Variants in RGS20 observed in about 807,000 individuals in gnomAD.
RGS20 encodes regulator of G protein signaling 20.
RGS20 carries 30 observed loss-of-function variants against 33.6 expected under a neutral mutation model. The observed-to-expected ratio is 0.89, with a 90% CI of 0.67 to 1.21. The LOEUF (loss-of-function observed/expected upper bound fraction) is 1.21. RGS20 is among the 50% of genes most tolerant of loss of function. The pLI is 0.00. For missense variants in RGS20, 472 were observed against 502.4 expected (o/e 0.94, Z 0.58); for synonymous variants, 208 against 197.9 (o/e 1.05, Z -0.43).
At chr8:53,943,996 T>TAC (rs113461310) in intron 3 of RGS20, among the ~76,000 whole-genome samples, 4,636 of 146,276 alleles carry the variant, frequency 0.032, 163 homozygotes, top group African/African-American at 0.085. Flanking sequence ...AAAATAGAGC[T>TAC]ACACACACAC....
chr8:53,873,640 T>TA (rs1309308303), intron 1 of RGS20, among the ~76,000 whole-genome samples: 6 of 152,230 alleles, frequency 3.9e-5, no homozygotes, highest in Admixed American at 3.3e-4. Context: ...ATTAATTGAG[T>TA]AGTTTATCCA....
chr8:53,879,159 C>T, intron 1 of RGS20: 1 of 974,316 alleles, frequency 1.0e-6, no homozygotes, highest in Non-Finnish European at 1.6e-6. Context: ...CTTGCACCCC[C>T]AAAGTAACGC....
At chr8:53,931,867 G>A (rs920423661) in intron 2 of RGS20, among the ~76,000 whole-genome samples, 26 of 152,206 alleles carry the variant, frequency 1.7e-4, no homozygotes, top group Admixed American at 7.2e-4. Context: ...AGAGCACTCC[G>A]ACCCAGACAG....
chr8:53,876,010 G>C (rs189778752), intron 1 of RGS20: 2 of 152,198 alleles, frequency 1.3e-5, no homozygotes, highest in Non-Finnish European at 2.9e-5. Context: ...CTGTCAGCTA[G>C]ATTCTTCCAT....
chr8:53,910,147 T>G (rs1371033560), intron 2 of RGS20, among the ~76,000 whole-genome samples: 1 of 152,144 alleles, frequency 6.6e-6, no homozygotes, highest in East Asian at 1.9e-4. Context: ...CACCTTTACA[T>G]AAAACAGAAT....
chr8:53,924,759 C>A (rs1212474730), intron 2 of RGS20, among the ~76,000 whole-genome samples: 1 of 152,108 alleles, frequency 6.6e-6, no homozygotes, highest in African/African-American at 2.4e-5. Flanking sequence ...TACTAAGAGC[C>A]AGATGTTATG....
At chr8:53,918,673 C>T (rs1194523274) in intron 2 of RGS20, among the ~76,000 whole-genome samples, 1 of 152,182 alleles carries the variant, frequency 6.6e-6, no homozygotes, top group African/African-American at 2.4e-5. Flanking sequence ...CAGGCATGAG[C>T]CACCGTGCCC....
intron 1 of RGS20, among the ~76,000 whole-genome samples, chr8:53,868,579 C>A (rs1371754705): frequency 6.6e-6 from 1 of 151,810 alleles, no homozygotes; most frequent in Non-Finnish European, 1.5e-5. Context: ...AGTCAATATT[C>A]TTATAATAAA....
At chr8:53,860,597 T>G (rs1811788398) in intron 1 of RGS20, among the ~76,000 whole-genome samples, 1 of 152,156 alleles carries the variant, frequency 6.6e-6, no homozygotes, top group Non-Finnish European at 1.5e-5. Flanking sequence ...CTCTAATAGC[T>G]GTGGCTCCAT....
At chr8:53,855,607 G>T (rs1239529383) in intron 1 of RGS20, among the ~76,000 whole-genome samples, 1 of 152,216 alleles carries the variant, frequency 6.6e-6, no homozygotes, top group African/African-American at 2.4e-5. Context: ...GAACTCTGAA[G>T]AAGCTCTGTG....
chr8:53,896,288 AAAG>A (rs1246190585), intron 2 of RGS20, among the ~76,000 whole-genome samples: 1 of 152,148 alleles, frequency 6.6e-6, no homozygotes, highest in Non-Finnish European at 1.5e-5. Context: ...CCCCCCAAAA[AAAG>A]AAGAATATTT....
chr8:53,898,744 G>A (rs1247370640), intron 2 of RGS20, among the ~76,000 whole-genome samples: 2 of 152,184 alleles, frequency 1.3e-5, no homozygotes, highest in African/African-American at 4.8e-5. Flanking sequence ...ATGCATTTCT[G>A]TTTTTCCAGA....
intron 2 of RGS20, among the ~76,000 whole-genome samples, chr8:53,899,692 C>G (rs1812960583): frequency 6.6e-6 from 1 of 152,208 alleles, no homozygotes; most frequent in South Asian, 2.1e-4. Context: ...TAGCTGGCTT[C>G]TCTCACTCAG....
intron 2 of RGS20, among the ~76,000 whole-genome samples, chr8:53,908,072 G>A (rs1365647976): frequency 2.6e-5 from 4 of 152,134 alleles, no homozygotes; most frequent in Admixed American, 1.3e-4. Context: ...GACAGAGAGC[G>A]CTCAATCTGA....
chr8:53,947,812 T>G (rs1193989837), intron 4 of RGS20, among the ~76,000 whole-genome samples: 1 of 135,220 alleles, frequency 7.4e-6, no homozygotes, highest in Non-Finnish European at 1.6e-5. Flanking sequence ...ATATATAGGA[T>G]ATAGTATATA....
At chr8:53,871,450 C>T (rs1812064127) in intron 1 of RGS20, among the ~76,000 whole-genome samples, 1 of 152,048 alleles carries the variant, frequency 6.6e-6, no homozygotes, top group Admixed American at 6.6e-5. Context: ...AACCCTGTCT[C>T]TACTAAAAAC....
chr8:53,912,066 C>T (rs1205449766), intron 2 of RGS20, among the ~76,000 whole-genome samples: 1 of 152,082 alleles, frequency 6.6e-6, no homozygotes, highest in Non-Finnish European at 1.5e-5. Context: ...AGATCCTATT[C>T]ATAATAGGAA....
chr8:53,911,570 T>C (rs1032951645), intron 2 of RGS20, among the ~76,000 whole-genome samples: 2 of 152,238 alleles, frequency 1.3e-5, no homozygotes, highest in African/African-American at 2.4e-5. Flanking sequence ...TATAGTCATA[T>C]GGTAGTAGAA....
intron 2 of RGS20, among the ~76,000 whole-genome samples, chr8:53,896,702 T>A (rs1489150462): frequency 6.6e-6 from 1 of 152,192 alleles, no homozygotes; most frequent in Non-Finnish European, 1.5e-5. Context: ...GGACCCAACT[T>A]AAGATTCCTT....
Sources: gnomAD v4.1 joint callset for allele counts (sites outside exome capture counted in the v4.1 genomes callset) on GRCh38, gnomAD v4.1.1 for gene constraint, MANE v1.5 for transcripts, NCBI Gene and HGNC (gene_info 2026-07-23, HGNC 2026-07-21) for gene names.